The following ALDH5A1 variants were observed in gnomAD, a reference collection of about 807,000 sequenced individuals.
ALDH5A1 encodes the protein aldehyde dehydrogenase 5 family member A1.
ALDH5A1 carries 33 observed loss-of-function variants against 54.7 expected under a neutral mutation model. That is an observed-to-expected ratio of 0.60 (90% confidence interval 0.46 to 0.81). The LOEUF is 0.81. Ranked by LOEUF, ALDH5A1 falls within the 30% of genes least tolerant of loss-of-function variation. ALDH5A1 has a pLI of 0.00. For missense variants in ALDH5A1, 657 were observed against 711.0 expected, an observed-to-expected ratio of 0.92 and a Z score of 0.86; for synonymous variants, 294 against 292.7, an observed-to-expected ratio of 1.00 and a Z score of -0.05.
At chr6:24,523,211 C>G (rs1759737458) in intron 7 of ALDH5A1, among the ~76,000 whole-genome samples, 2 of 151,974 alleles carry the variant, frequency 1.3e-5, no homozygotes, top group African/African-American at 2.4e-5. Context: ...GATGTGCTAA[C>G]TATCCTGATT....
chr6:24,515,368 G>A, intron 5 of ALDH5A1, 58 bp downstream of exon 5: 1 of 1,579,122 alleles, frequency 6.3e-7, no homozygotes, highest in Non-Finnish European at 8.7e-7. Context: ...ATCTTGATAG[G>A]TTATAAAAAT....
chr6:24,513,096 G>T (rs63548661), intron 4 of ALDH5A1, among the ~76,000 whole-genome samples: 2 of 5,292 alleles, frequency 3.8e-4, no homozygotes, highest in Non-Finnish European at 1.8e-3. Flanking sequence ...TTTTTTTCTT[G>T]AGACAGAGGC....
chr6:24,533,939 A>T lies in ALDH5A1; in HGVS notation c.*227A>T, dbSNP rs1018122225. ...GGCTGCAGACTCCCAGAGAACCAGCACTGGGTTTACAGAATGAGGCCCTGG... is the reference window on the plus strand; with the variant it reads ...GGCTGCAGACTCCCAGAGAACCAGCTCTGGGTTTACAGAATGAGGCCCTGG... On this transcript the variant is annotated 3_prime_UTR_variant, in exon 10 of 10. Transcript: ENST00000357578. 3 of 493,420 alleles carry T rather than the reference A, an allele frequency of 6.1e-6. No homozygotes were observed. Among genetic ancestry groups the T allele is most frequent in the Non-Finnish European group, 1.1e-5 (3 of 274,690 alleles). 30.6% of individuals were successfully genotyped at this position (493,420 alleles called of 1,614,324 possible). A position where few individuals can be genotyped will look rare whatever the true frequency, so the allele number is the denominator to read the frequency against.
chr6:24,526,891 ATATATATATCTACTATATATATATTC>A (rs1472981661), intron 7 of ALDH5A1, among the ~76,000 whole-genome samples: 35 of 98,852 alleles, frequency 3.5e-4, no homozygotes, highest in Admixed American at 2.4e-3. Context: ...TATATATTCT[ATATATATATCTACTATATATATATTC>A]TATATATATC....
At chr6:24,511,270 C>T (rs190635595) in intron 4 of ALDH5A1, among the ~76,000 whole-genome samples, 1 of 152,304 alleles carries the variant, frequency 6.6e-6, no homozygotes, top group African/African-American at 2.4e-5. Flanking sequence ...TTCGTCTGAA[C>T]TTCAGGTAAC....
In ALDH5A1 at chr6:24,495,206, C is replaced by T. The variant is rs1012047151; in HGVS notation, c.210C>T (p.Leu70=). ...ACAGCTTCGTGGGCGGCCGCTGGCT[C>T]CCGGCCGCCGCCACCTTCCCCGTGC... ...RTDSFVGGRW[L]PAAATFPVQD... is the part of the protein sequence containing the mutation. Residue 70 remains leucine, a synonymous_variant, in exon 1 of 10, where the codon CTC becomes CTT. Coordinates refer to ENST00000357578, the MANE Select transcript of ALDH5A1 (RefSeq NM_001080.3). The T allele has an allele frequency of 1.3e-6, 2 of 1,507,702 alleles. No homozygotes were observed. Among genetic ancestry groups the T allele is most frequent in the Admixed American group, 2.1e-5 (1 of 48,306 alleles). 93.4% of individuals were successfully genotyped at this position (1,507,702 alleles called of 1,614,324 possible).
chr6:24,521,388 G>T (rs1759679776), intron 6 of ALDH5A1, among the ~76,000 whole-genome samples: 1 of 152,252 alleles, frequency 6.6e-6, no homozygotes, highest in African/African-American at 2.4e-5. Context: ...GAGGAGCTGG[G>T]ACTCTGAGCC....
chr6:24,500,327 T>C (rs937419319), intron 1 of ALDH5A1, among the ~76,000 whole-genome samples: 4 of 152,212 alleles, frequency 2.6e-5, no homozygotes, highest in Non-Finnish European at 5.9e-5. Flanking sequence ...CCAGTCCATA[T>C]GTCAGTCTCT....
At chr6:24,512,051 C>A (rs1759470878) in intron 4 of ALDH5A1, among the ~76,000 whole-genome samples, 1 of 152,162 alleles carries the variant, frequency 6.6e-6, no homozygotes. Context: ...TCCCCCTTTT[C>A]CTAGGGATGT....
chr6:24,520,581 G>C, intron 6 of ALDH5A1, 37 bp downstream of exon 6: 1 of 1,611,434 alleles, frequency 6.2e-7, no homozygotes, highest in Non-Finnish European at 8.5e-7. Flanking sequence ...GTGTGTTTGC[G>C]TGTGCATGTG....
intron 6 of ALDH5A1, 180 bp from the exon 7 acceptor site, chr6:24,522,587 C>G (rs76698381): frequency 6.4e-6 from 4 of 622,210 alleles, no homozygotes; most frequent in African/African-American, 1.8e-5. Context: ...GGGGAACATG[C>G]ACTGACTCAG....
At chr6:24,495,852 AG>A (rs1734555678) in intron 1 of ALDH5A1, among the ~76,000 whole-genome samples, 1 of 152,186 alleles carries the variant, frequency 6.6e-6, no homozygotes, top group African/African-American at 2.4e-5. Context: ...AACTGTAGAA[AG>A]ATTTGGGTTT....
chr6:24,522,305 C>G (rs904800692), intron 6 of ALDH5A1, among the ~76,000 whole-genome samples: 1 of 152,134 alleles, frequency 6.6e-6, no homozygotes, highest in African/African-American at 2.4e-5. Context: ...GACCCTGTGT[C>G]AGCAAAACAA....
At chr6:24,522,704 G>C in intron 6 of ALDH5A1, 63 bp from the exon 7 acceptor site, 3 of 1,590,348 alleles carry the variant, frequency 1.9e-6, no homozygotes, top group Non-Finnish European at 2.6e-6. Flanking sequence ...GCAGCCACAC[G>C]TTCACTGGTC....
Position 24,522,849 on chromosome 6 carries a change from A to T in ALDH5A1, c.1097A>T (p.Lys366Met). 1 of 1,614,222 alleles carries T rather than the reference A, an allele frequency of 6.2e-7. No homozygotes were observed. Among genetic ancestry groups the T allele is most frequent in the Non-Finnish European group, 8.5e-7 (1 of 1,180,042 alleles). The change falls in exon 7 of 10, where the codon AAG (lysine) becomes ATG (methionine). Residue 366 changes from lysine (K) to methionine (M), a missense_variant. Physicochemically the swap from Lys to Met is moderately conservative, Grantham distance 95. Around this residue, in one of 2 missense-constraint regions of ALDH5A1, gnomAD observed 425 missense variants for 516.4 expected, o/e 0.82. Coordinates refer to ENST00000357578, the MANE Select transcript of ALDH5A1 (RefSeq NM_001080.3). ...AAAGCATTCGCCGAGGCCATGAAGA[A>T]GAACCTGCGCGTAGGTAATGGATTT... ...FVKAFAEAMKKNLRVGNGFEE... is the reference protein window; with the variant it reads ...FVKAFAEAMKMNLRVGNGFEE...
chr6:24,503,585 T>C, intron 3 of ALDH5A1, 152 bp downstream of exon 3: 2 of 919,336 alleles, frequency 2.2e-6, no homozygotes, highest in South Asian at 3.2e-5. Context: ...TGGAAGTGTG[T>C]TTCCTAGTCC....
intron 6 of ALDH5A1, chr6:24,522,488 T>C (rs1172352211): frequency 5.7e-6 from 2 of 352,222 alleles, no homozygotes; most frequent in Non-Finnish European, 1.1e-5. Context: ...CGTGTGTGTG[T>C]GTGTGTGTGT....
At chr6:24,504,730 A>G in intron 3 of ALDH5A1, 139 bp from the exon 4 acceptor site, 1 of 831,436 alleles carries the variant, frequency 1.2e-6, no homozygotes, top group Non-Finnish European at 2.1e-6. Context: ...AGGTGTTCTG[A>G]GAGCTCACCT....
intron 4 of ALDH5A1, among the ~76,000 whole-genome samples, chr6:24,506,720 C>A (rs1759366246): frequency 6.6e-6 from 1 of 152,090 alleles, no homozygotes; most frequent in South Asian, 2.1e-4. Context: ...TTTCTCTTTC[C>A]ATTCTCATTT....
Sources: gnomAD v4.1 joint callset for allele counts (sites outside exome capture counted in the v4.1 genomes callset) on GRCh38, gnomAD v4.1.1 for gene constraint, gnomAD v4.1.1 regional missense constraint, MANE v1.5 for transcripts, NCBI Gene and HGNC (gene_info 2026-07-23, HGNC 2026-07-21) for gene names.